The following ANKRD26 variants were observed in gnomAD, a reference collection of about 807,000 sequenced individuals.
ANKRD26 encodes the protein ankyrin repeat domain-containing protein 26.
A neutral mutation model predicts 208.7 loss-of-function variants in ANKRD26; 141 were observed. That is an observed-to-expected ratio of 0.68 (90% CI 0.59 to 0.78). The LOEUF (loss-of-function observed/expected upper bound fraction) is 0.78. ANKRD26 is among the 30% of genes least tolerant of loss of function. ANKRD26 has a pLI of 0.00. For synonymous variants in ANKRD26, 636 were observed against 660.4 expected (o/e 0.96, Z 0.57); for missense variants, 1,889 against 1,938.7 (o/e 0.97, Z 0.48).
At chr10:26,951,019 C>CTTTTTTTTTTTTTTTTTTTTTTTTTTTTT in the ANKRD26 span, among the ~76,000 whole-genome samples, 38 of 48,522 alleles carry the variant, frequency 7.8e-4, no homozygotes, top group Non-Finnish European at 1.6e-3. Context: ...TTTTCTTTTT[C>CTTTTTTTTTTTTTTTTTTTTTTTTTTTTT]TTTTTTTTTT....
intron 7 of ANKRD26, among the ~76,000 whole-genome samples, chr10:27,078,232 C>T (rs929303585): frequency 6.6e-6 from 1 of 152,016 alleles, no homozygotes; most frequent in African/African-American, 2.4e-5. Flanking sequence ...AAATTCAGCT[C>T]CTTACAAGAA....
chr10:27,012,329 G>T (rs1169310470), intron 32 of ANKRD26, among the ~76,000 whole-genome samples: 1 of 151,442 alleles, frequency 6.6e-6, no homozygotes, highest in Non-Finnish European at 1.5e-5. Context: ...AAATGTGACA[G>T]TTCAGTTACA....
intron 9 of ANKRD26, among the ~76,000 whole-genome samples, chr10:27,068,921 C>T (rs547714278): frequency 7.9e-5 from 12 of 151,244 alleles, no homozygotes; most frequent in South Asian, 4.2e-4. Flanking sequence ...GGGCGCAGCG[C>T]GGTGGCTCAC....
chr10:27,005,016 T>G lies in ANKRD26; in HGVS notation c.*574A>C. ...TGTTCGGAGGAGAAAGTCTTTGTAC[T>G]AAAACTTCGAAATTTTCTCTAAACT... On this transcript the variant is annotated 3_prime_UTR_variant, in exon 34 of 34. Coordinates refer to ENST00000376087, the MANE Select transcript of ANKRD26 (RefSeq NM_014915.3). 1 of 982,904 alleles carries G rather than the reference T, an allele frequency of 1.0e-6. No individual in the cohort carries two copies. Among genetic ancestry groups the G allele is most frequent in the Non-Finnish European group, 1.2e-6 (1 of 827,602 alleles). 60.9% of individuals were successfully genotyped at this position (982,904 alleles called of 1,614,324 possible). A position where few individuals can be genotyped will look rare whatever the true frequency, so the allele number is the denominator to read the frequency against.
Position 27,066,467 on chromosome 10 carries a change from G to GT in ANKRD26, c.1269+19dup. The GT allele has an allele frequency of 6.4e-7, 1 of 1,551,754 alleles. No homozygotes were observed. The highest frequency in any genetic ancestry group is 1.4e-5 in the African/African-American group (1 of 73,654). ...TCAATGCTTATATTTTAAAATAATA[G>GT]TAACAACCATAGAAAGTACCTCAGA... is the stretch of plus-strand genomic sequence containing the variant. On this transcript the variant is annotated intron_variant, in intron 11 of 33. Transcript: ENST00000376087.
chr10:27,009,707 A>G (rs998210977), intron 32 of ANKRD26, among the ~76,000 whole-genome samples: 3 of 152,242 alleles, frequency 2.0e-5, no homozygotes, highest in African/African-American at 7.2e-5. Context: ...TTTAATGCAT[A>G]ATACAAAATC....
At chr10:26,996,874 T>C (rs1314465749) in intron 4 of ANKRD26, among the ~76,000 whole-genome samples, 1 of 152,196 alleles carries the variant, frequency 6.6e-6, no homozygotes, top group African/African-American at 2.4e-5. Context: ...CACTTTTCTC[T>C]CTTCTCCGCT....
At position 27,022,585 on chromosome 10, in the gene ANKRD26, A is replaced by G. The variant is rs199589035; in HGVS notation, c.4188T>C (p.Asp1396=). 6.0e-4 allele frequency: 925 copies of G among 1,539,652 alleles called. No individual in the cohort carries two copies. Among genetic ancestry groups the G allele is most frequent in the Non-Finnish European group, 7.4e-4 (830 of 1,118,306 alleles). Reference sequence around the variant, plus strand: ...TATGTTTTAGCTTATTAATCTGAATATCCATTTCAAATTGACTAGTTTTTA... The same window carrying G: ...TATGTTTTAGCTTATTAATCTGAATGTCCATTTCAAATTGACTAGTTTTTA... ...GDLKTSQFEM[D]IQINKLKHKI... The change falls in exon 29 of 34, where the codon GAT becomes GAC. Residue 1396 remains aspartate, a synonymous_variant. Coordinates refer to ENST00000376087, the MANE Select transcript of ANKRD26 (RefSeq NM_014915.3).
chr10:27,016,576 TTTG>T (rs1480529089), intron 30 of ANKRD26, among the ~76,000 whole-genome samples: 2 of 112,208 alleles, frequency 1.8e-5, no homozygotes, highest in African/African-American at 5.2e-5. Flanking sequence ...CGTGCCCAGC[TTTG>T]TTTTTTTTTT....
intron 4 of ANKRD26, among the ~76,000 whole-genome samples, chr10:27,092,071 C>A (rs1052397632): frequency 6.6e-6 from 1 of 151,686 alleles, no homozygotes; most frequent in African/African-American, 2.4e-5. Flanking sequence ...GCTAACAGAT[C>A]ACATGGCCAA....
At position 27,034,824 on chromosome 10, in the gene ANKRD26, T is replaced by C. The variant is rs1179972135; in HGVS notation, c.3626A>G (p.Gln1209Arg). Residue 1209 changes from glutamine to arginine, a missense_variant, in exon 24 of 34, where the codon CAA (glutamine) becomes CGA (arginine). Physicochemically the swap from Gln to Arg is conservative, Grantham distance 43. Transcript: ENST00000376087. Reference sequence around the variant, plus strand: ...TCTTTCTGCCTTTTCATTTTCATATTGATACTGTCTTTCTTTTAAGTGATT... The same window carrying C: ...TCTTTCTGCCTTTTCATTTTCATATCGATACTGTCTTTCTTTTAAGTGATT... The part of the protein sequence containing the change: ...ECNHLKERQY[Q>R]YENEKAEREV... 1.2e-6 allele frequency: 2 copies of C among 1,609,794 alleles called. No individual in the cohort carries two copies. The highest frequency in any genetic ancestry group is 1.7e-6 in the Non-Finnish European group (2 of 1,178,498).
At chr10:27,020,557 TTA>T (rs2053452622) in intron 29 of ANKRD26, among the ~76,000 whole-genome samples, 1 of 152,214 alleles carries the variant, frequency 6.6e-6, no homozygotes, top group Non-Finnish European at 1.5e-5. Context: ...AGTGAGAACC[TTA>T]GATATTTATC....
At chr10:27,046,147 C>T in intron 18 of ANKRD26, 1 of 566,994 alleles carries the variant, frequency 1.8e-6, no homozygotes, top group Non-Finnish European at 3.1e-6. Context: ...CAAACGCCGT[C>T]TGTGCCCATC....
chr10:26,974,835 TC>T (rs1396475214), exon 6 of ANKRD26, among the ~76,000 whole-genome samples: 7 of 152,262 alleles, frequency 4.6e-5, no homozygotes, highest in Admixed American at 2.6e-4. Context: ...TCGTTCCACT[TC>T]CTTCTGGCTT....
the ANKRD26 span, among the ~76,000 whole-genome samples, chr10:26,957,315 G>C: frequency 3.9e-5 from 6 of 152,112 alleles, no homozygotes; most frequent in African/African-American, 1.4e-4. Context: ...TTGAACCTCG[G>C]AGGCAGAGGT....
At chr10:27,030,812 A>G (rs566199337) in intron 25 of ANKRD26, among the ~76,000 whole-genome samples, 1 of 152,190 alleles carries the variant, frequency 6.6e-6, no homozygotes, top group Non-Finnish European at 1.5e-5. Flanking sequence ...CAATGTCTCA[A>G]AGAAGAAATT....
intron 9 of ANKRD26, among the ~76,000 whole-genome samples, chr10:27,069,159 C>T (rs895032459): frequency 3.1e-5 from 4 of 129,198 alleles, no homozygotes; most frequent in African/African-American, 6.3e-5. Flanking sequence ...GACGCCATTG[C>T]GCTCTGACCT....
chr10:27,082,673 A>C, intron 6 of ANKRD26, 130 bp downstream of exon 6: 3 of 1,320,462 alleles, frequency 2.3e-6, no homozygotes, highest in Non-Finnish European at 3.0e-6. Context: ...TAGCACAGAT[A>C]CTTTGCAAAG....
At chr10:26,966,559 T>C in the ANKRD26 span, among the ~76,000 whole-genome samples, 1 of 152,196 alleles carries the variant, frequency 6.6e-6, no homozygotes, top group African/African-American at 2.4e-5. Context: ...CGTATACCTA[T>C]GTAACAAACT....
Sources: allele counts gnomAD v4.1 joint callset (sites outside exome capture counted in the v4.1 genomes callset), GRCh38; gene constraint gnomAD v4.1.1; transcripts MANE v1.5; gene names NCBI Gene and HGNC (gene_info 2026-07-23, HGNC 2026-07-21).